CRYBA4: variants seen among roughly 807,000 people sequenced by gnomAD.
The protein encoded by CRYBA4 is beta-crystallin A4.
Under a neutral mutation model 31.7 loss-of-function variants are expected in CRYBA4, and 30 were observed. The observed-to-expected ratio is 0.95, with a 90% CI of 0.71 to 1.28. CRYBA4 has a LOEUF of 1.28. Ranked by LOEUF, CRYBA4 falls within the 50% of genes most tolerant of loss-of-function variation. CRYBA4 has a pLI of 0.00. For missense variants in CRYBA4, 225 were observed against 260.7 expected, an observed-to-expected ratio of 0.86 and a Z score of 0.94; for synonymous variants, 102 against 102.3, an observed-to-expected ratio of 1.00 and a Z score of 0.02.
At chr22:26,619,565 G>T (rs896197455), upstream of CRYBA4, among the ~76,000 whole-genome samples, 5 of 152,164 alleles carry the variant, frequency 3.3e-5, no homozygotes, top group African/African-American at 1.2e-4. Flanking sequence ...GGGGTTCTAG[G>T]CTCCCCGTGG....
At chr22:26,608,014 C>T in the CRYBA4 span, 26 of 1,614,034 alleles carry the variant, frequency 1.6e-5, no homozygotes, top group Middle Eastern at 1.6e-4. Flanking sequence ...TGCTCAAAGG[C>T]GACCCAGCTG....
At chr22:26,630,278 CCT>C (rs1337893229) in intron 5 of CRYBA4, 60 bp from the exon 6 acceptor site, 6 of 1,606,862 alleles carry the variant, frequency 3.7e-6, no homozygotes, top group Non-Finnish European at 5.1e-6. Flanking sequence ...TCCCTTTGCC[CCT>C]GTGTTGATCA....
rs781292612 is a variant in CRYBA4 at position 26,628,335 on chromosome 22, G to C, written c.348G>C (p.Leu116=). The C allele has an allele frequency of 6.2e-7, 1 of 1,614,018 alleles. No individual in the cohort carries two copies. Among genetic ancestry groups the C allele is most frequent in the Non-Finnish European group, 8.5e-7 (1 of 1,179,996 alleles). ...CAATCTTCGAGCAAGAGAACTTCCTGGGCAAGAAAGGAGAGCTGAGCGATG... is the reference window on the plus strand; with the variant it reads ...CAATCTTCGAGCAAGAGAACTTCCTCGGCAAGAAAGGAGAGCTGAGCGATG... ...RLTIFEQENF[L]GKKGELSDDY... Residue 116 remains leucine (L), a synonymous_variant, in exon 5 of 6, where the codon CTG becomes CTC. Transcript: ENST00000354760.
the CRYBA4 span, among the ~76,000 whole-genome samples, chr22:26,610,783 G>A: frequency 3.3e-5 from 5 of 152,102 alleles, no homozygotes; most frequent in African/African-American, 1.2e-4. Flanking sequence ...GAGTGGTGAG[G>A]GCCATCCTTC....
chr22:26,604,348 A>T, the CRYBA4 span, among the ~76,000 whole-genome samples: 1 of 152,226 alleles, frequency 6.6e-6, no homozygotes, highest in South Asian at 2.1e-4. Flanking sequence ...TATACCCAGT[A>T]CGTAGTTGGT....
chr22:26,610,598 C>T, the CRYBA4 span, among the ~76,000 whole-genome samples: 71 of 152,326 alleles, frequency 4.7e-4, no homozygotes, highest in African/African-American at 1.7e-3. Context: ...GTTGACCACA[C>T]TGAGGGTGCA....
chr22:26,597,974 C>T, the CRYBA4 span, among the ~76,000 whole-genome samples: 2 of 152,030 alleles, frequency 1.3e-5, no homozygotes, highest in Non-Finnish European at 2.9e-5. Flanking sequence ...ACCTCTGCCT[C>T]CCGGTTCAAG....
In CRYBA4 at chr22:26,630,544, G is replaced by A; in HGVS notation, c.*57G>A. ...GCTTATCTGCAATGGAGGCGCTCTG[G>A]AGGCTGTGGTGTGTTCTCTCCTTCT... On this transcript the variant is annotated 3_prime_UTR_variant, in exon 6 of 6. Coordinates refer to ENST00000354760, the MANE Select transcript of CRYBA4 (RefSeq NM_001886.3). 2 of 1,508,368 alleles carry A rather than the reference G, an allele frequency of 1.3e-6. No homozygotes were observed. The highest frequency in any genetic ancestry group is 1.8e-6 in the Non-Finnish European group (2 of 1,103,286). The allele number at this position is 1,508,368 out of a possible 1,614,324, so 93.4% of individuals were successfully genotyped here.
the CRYBA4 span, among the ~76,000 whole-genome samples, chr22:26,593,629 A>C: frequency 1.3e-5 from 2 of 152,082 alleles, no homozygotes; most frequent in African/African-American, 4.8e-5. Context: ...GGGTCCAAGC[A>C]GTCCTCCTGC....
the CRYBA4 span, among the ~76,000 whole-genome samples, chr22:26,591,271 G>A: frequency 2.0e-5 from 3 of 152,084 alleles, no homozygotes; most frequent in Non-Finnish European, 4.4e-5. Flanking sequence ...AGGAGTTCGA[G>A]ACCAGCCAGG....
At chr22:26,607,800 A>G in the CRYBA4 span, 1 of 1,585,780 alleles carries the variant, frequency 6.3e-7, no homozygotes, top group South Asian at 1.1e-5. Context: ...ACCCACCATC[A>G]TCTCCTTCTT....
chr22:26,603,073 C>T, the CRYBA4 span, among the ~76,000 whole-genome samples: 1 of 143,588 alleles, frequency 7.0e-6, no homozygotes, highest in Admixed American at 7.3e-5. Flanking sequence ...TGCAGTGAGC[C>T]GAGATCGTGC....
At chr22:26,612,945 C>G in the CRYBA4 span, among the ~76,000 whole-genome samples, 1 of 152,172 alleles carries the variant, frequency 6.6e-6, no homozygotes, top group Non-Finnish European at 1.5e-5. Flanking sequence ...CACAACTAAC[C>G]CACCACACAG....
chr22:26,603,636 G>A, the CRYBA4 span, among the ~76,000 whole-genome samples: 1 of 152,000 alleles, frequency 6.6e-6, no homozygotes, highest in Admixed American at 6.6e-5. Context: ...CGGGCGCGGT[G>A]GCTCACGCCT....
At chr22:26,609,577 G>A in the CRYBA4 span, among the ~76,000 whole-genome samples, 1 of 152,116 alleles carries the variant, frequency 6.6e-6, no homozygotes, top group Non-Finnish European at 1.5e-5. Flanking sequence ...TGGATGGGTG[G>A]GTGATGGAGA....
intron 5 of CRYBA4, among the ~76,000 whole-genome samples, chr22:26,629,734 C>CAAAAAAAAAAAAAAAAAAAAAAA (rs66906132): frequency 1.2e-5 from 1 of 80,594 alleles, no homozygotes; most frequent in African/African-American, 4.1e-5. Context: ...GACTCTGTCT[C>CAAAAAAAAAAAAAAAAAAAAAAA]AAAAAAAAAA....
At chr22:26,626,137 C>T (rs1051993920) in intron 4 of CRYBA4, among the ~76,000 whole-genome samples, 1 of 152,168 alleles carries the variant, frequency 6.6e-6, no homozygotes, top group African/African-American at 2.4e-5. Context: ...CATGGTGGCT[C>T]ACACCTGTAA....
At chr22:26,629,751 A>AT (rs1427807422) in intron 5 of CRYBA4, among the ~76,000 whole-genome samples, 1 of 135,552 alleles carries the variant, frequency 7.4e-6, no homozygotes, top group Non-Finnish European at 1.6e-5. Context: ...AAAAAAAAAA[A>AT]AAAAATCAAT....
chr22:26,623,456 C>T, intron 3 of CRYBA4, 104 bp downstream of exon 3: 1 of 889,596 alleles, frequency 1.1e-6, no homozygotes, highest in Non-Finnish European at 1.8e-6. Context: ...TCCCTAGGCT[C>T]TTACTGTTGT....
Sources: gnomAD v4.1 joint callset for allele counts (sites outside exome capture counted in the v4.1 genomes callset) on GRCh38, gnomAD v4.1.1 for gene constraint, MANE v1.5 for transcripts, NCBI Gene and HGNC (gene_info 2026-07-23, HGNC 2026-07-21) for gene names.